The following GPR143 variants were observed in gnomAD, a reference collection of about 807,000 sequenced individuals.
GPR143 encodes the protein G protein-coupled receptor 143, also known as G-protein coupled receptor 143.
In GPR143, 8 loss-of-function variants were observed where a neutral mutation model predicts 27.6. The ratio of observed to expected loss-of-function variants is 0.29; its 90% CI spans 0.17 to 0.52. GPR143 has a LOEUF of 0.52. Ranked by LOEUF, GPR143 falls within the 20% of genes least tolerant of loss-of-function variation. The pLI is 0.96. For synonymous variants in GPR143, 156 were observed against 153.2 expected (o/e 1.02, Z -0.13); for missense variants, 303 against 343.1 (o/e 0.88, Z 0.92).
rs759443299 is a variant in GPR143 at position 9,761,042 on chromosome X, A to G, written c.251-216T>C. ...AACATACATATTTGTGTGTGCAGAG[A>G]GAGAAAAAGAAGATTGAAACTCATA... On this transcript the variant is annotated intron_variant, in intron 1 of 8. Coordinates refer to ENST00000467482, the MANE Select transcript of GPR143 (RefSeq NM_000273.3). Among the ~76,000 whole-genome samples, 123 of 111,065 alleles carry G rather than the reference A, an allele frequency of 1.1e-3. No homozygotes were observed. The Admixed American group carries it at 0.012, about 11-fold the overall frequency.
At chrX:9,749,688 C>T (rs758177158) in intron 3 of GPR143, among the ~76,000 whole-genome samples, 1 of 112,395 alleles carries the variant, frequency 8.9e-6, no homozygotes, top group African/African-American at 3.2e-5. Flanking sequence ...GTCTTGAACT[C>T]GTGATCTCAA....
At chrX:9,768,628 T>C (rs1436940605), upstream of GPR143, among the ~76,000 whole-genome samples, 1 of 111,047 alleles carries the variant, frequency 9.0e-6, no homozygotes, top group Non-Finnish European at 1.9e-5. Context: ...TGCAGTGAGC[T>C]GTGATTGCAC....
At chrX:9,760,505 G>T (rs1460990613) in intron 2 of GPR143, among the ~76,000 whole-genome samples, 1 of 111,867 alleles carries the variant, frequency 8.9e-6, no homozygotes, top group African/African-American at 3.3e-5. Flanking sequence ...AGCGGAGGAT[G>T]CATTTGTGAA....
chrX:9,777,819 G>A (rs181684144), intron 1 of GPR143, among the ~76,000 whole-genome samples: 2,294 of 107,340 alleles, frequency 0.021, 64 homozygotes, highest in African/African-American at 0.072. Flanking sequence ...GGCCAGGTGC[G>A]GTGACTCACG....
At chrX:9,738,286 G>T in intron 8 of GPR143, 1 of 192,407 alleles carries the variant, frequency 5.2e-6, no homozygotes, top group Non-Finnish European at 8.0e-6. Flanking sequence ...TAAAACAGCA[G>T]GATGGGAATG....
chrX:9,730,749 A>T (rs779332638), intron 8 of GPR143, among the ~76,000 whole-genome samples: 15 of 112,283 alleles, frequency 1.3e-4, no homozygotes, highest in African/African-American at 4.9e-4. Flanking sequence ...ATGGCTTTTC[A>T]GAGGCAGTGA....
chrX:9,735,740 CCA>C (rs2083376432), intron 8 of GPR143, among the ~76,000 whole-genome samples: 1 of 111,611 alleles, frequency 9.0e-6, no homozygotes, highest in South Asian at 3.7e-4. Context: ...AAGCTCCATG[CCA>C]GCCTATTGGT....
At chrX:9,777,703 C>T (rs1409992917) in intron 1 of GPR143, among the ~76,000 whole-genome samples, 1 of 109,698 alleles carries the variant, frequency 9.1e-6, no homozygotes, top group African/African-American at 3.3e-5. Context: ...GTACCTGAAG[C>T]ATCTGGGATG....
intron 1 of GPR143, among the ~76,000 whole-genome samples, chrX:9,773,861 T>C (rs753908726): frequency 9.9e-4 from 110 of 110,978 alleles, no homozygotes; most frequent in African/African-American, 3.5e-3. Flanking sequence ...TGAGACCCAG[T>C]CTCATAATAA....
At chrX:9,758,423 C>A (rs1313274696) in intron 3 of GPR143, among the ~76,000 whole-genome samples, 2 of 111,440 alleles carry the variant, frequency 1.8e-5, no homozygotes, top group African/African-American at 6.5e-5. Flanking sequence ...AAACAACTCG[C>A]CAACAGTTAC....
chrX:9,737,960 G>A (rs957393875), intron 8 of GPR143, among the ~76,000 whole-genome samples: 1 of 111,745 alleles, frequency 8.9e-6, no homozygotes, highest in African/African-American at 3.3e-5. Flanking sequence ...TGTTCCTTCC[G>A]CTACACTCTA....
intron 5 of GPR143, 104 bp downstream of exon 5, chrX:9,745,940 C>A: frequency 1.8e-6 from 1 of 568,879 alleles, no homozygotes; most frequent in South Asian, 2.3e-5. Flanking sequence ...CAAATGAGGT[C>A]AACTGTCCTG....
Position 9,771,709 on chromosome X carries a change from C to CTTTTTTTTTTT in GPR143, c.-2-10884_-2-10883insAAAAAAAAAAA, listed in dbSNP as rs752477509. On this transcript the variant is annotated intron_variant, in intron 1 of 7. Transcript: ENST00000447366. The stretch of plus-strand genomic sequence containing the variant: ...CCAACTAAGCCATGGAGCATTCTCT[C>CTTTTTTTTTTT]TCTTTTTTTTTTTTTTTTGGATGGA... Among the ~76,000 whole-genome samples, 2 of 92,817 alleles carry CTTTTTTTTTTT rather than the reference C, an allele frequency of 2.2e-5. 1 individual carries two copies. 80.6% of individuals were successfully genotyped at this position (92,817 alleles called of 115,157 possible). A position where few individuals can be genotyped will look rare whatever the true frequency, so the allele number is the denominator to read the frequency against.
Position 9,725,768 on chromosome X carries a change from A to G in GPR143, c.1193T>C (p.Leu398Pro), listed in dbSNP as rs148263276. The G allele has an allele frequency of 1.8e-4, 219 of 1,204,986 alleles. 1 individual carries two copies. The African/African-American group carries it at 3.2e-3, about 17-fold the overall frequency. The change falls in exon 9 of 9, where the codon CTC becomes CCC. Residue 398 changes from leucine (L) to proline (P), a missense_variant. By Grantham distance (98) the Leu-to-Pro change is moderately conservative (BLOSUM62 -3). Transcript: ENST00000467482. ...CCTTCATAGGTCTCCATGGGTTGGG[A>G]GAGCAGGGTCACCCTCATTTTTGTT... is the stretch of plus-strand genomic sequence containing the variant. ...SCNKNEGDPALPTHGDL is the reference protein window; with the variant it reads ...SCNKNEGDPAPPTHGDL
chrX:9,760,528 A>G (rs1207745393), intron 2 of GPR143, among the ~76,000 whole-genome samples, 189 bp downstream of exon 2: 1 of 111,797 alleles, frequency 8.9e-6, no homozygotes. Flanking sequence ...GGTGGGAGAA[A>G]CAACACTTGA....
At chrX:9,738,572 A>T (rs1022994526) in intron 8 of GPR143, 10 of 685,628 alleles carry the variant, frequency 1.5e-5, no homozygotes, top group Non-Finnish European at 1.7e-5. Context: ...TTCAAAGTAA[A>T]CCAAGCTTGT....
At chrX:9,772,277 G>A (rs2146709660) in intron 1 of GPR143, among the ~76,000 whole-genome samples, 1 of 111,711 alleles carries the variant, frequency 9.0e-6, no homozygotes, top group African/African-American at 3.2e-5. Context: ...TGTTAAAATA[G>A]GAAGCCAGTA....
intron 3 of GPR143, among the ~76,000 whole-genome samples, chrX:9,757,569 T>A (rs1470756639): frequency 1.8e-5 from 2 of 110,938 alleles, no homozygotes; most frequent in Non-Finnish European, 3.8e-5. Context: ...AGAAAGTAGA[T>A]AAGTGGTTGC....
chrX:9,769,247 T>C (rs2146708176), upstream of GPR143, among the ~76,000 whole-genome samples: 1 of 111,747 alleles, frequency 8.9e-6, no homozygotes, highest in East Asian at 2.8e-4. Context: ...TTTTCACAGT[T>C]TGGGCTGCCT....
Sources: allele counts gnomAD v4.1 joint callset (sites outside exome capture counted in the v4.1 genomes callset), GRCh38; gene constraint gnomAD v4.1.1; transcripts MANE v1.5; gene names NCBI Gene and HGNC (gene_info 2026-07-23, HGNC 2026-07-21).